The following CSMD1 variants were observed in gnomAD, a reference collection of about 807,000 sequenced individuals.
CSMD1 encodes the protein CUB and sushi domain-containing protein 1.
Under a neutral mutation model 417.5 loss-of-function variants are expected in CSMD1, and 213 were observed. That is an observed-to-expected ratio of 0.51 (90% CI 0.46 to 0.57). The LOEUF is 0.57. Among genes scored for constraint, CSMD1 ranks in the 20% least tolerant of loss-of-function variants. CSMD1 has a pLI of 0.00. For missense variants in CSMD1, 6,923 were observed against 4,529.7 expected (o/e 1.53, Z -15.17); for synonymous variants, 2,862 against 1,736.8 (o/e 1.65, Z -16.11).
intron 6 of CSMD1, among the ~76,000 whole-genome samples, chr8:3,719,051 T>C (rs1801996239): frequency 6.6e-6 from 1 of 152,170 alleles, no homozygotes; most frequent in Admixed American, 6.5e-5. Context: ...CGTATTGAGA[T>C]GTAGAAAACC....
At chr8:3,226,375 G>C (rs1420917882) in intron 27 of CSMD1, among the ~76,000 whole-genome samples, 4 of 152,218 alleles carry the variant, frequency 2.6e-5, no homozygotes, top group Admixed American at 6.5e-5. Flanking sequence ...CTGAGGGCAG[G>C]AGTTCGAGAC....
At chr8:4,206,253 G>A (rs758065422) in intron 3 of CSMD1, among the ~76,000 whole-genome samples, 8 of 152,056 alleles carry the variant, frequency 5.3e-5, no homozygotes, top group Non-Finnish European at 8.8e-5. Flanking sequence ...GGGCAGGTTT[G>A]TTACATATGT....
chr8:4,381,366 C>T (rs562862100), intron 3 of CSMD1, among the ~76,000 whole-genome samples: 1 of 152,212 alleles, frequency 6.6e-6, no homozygotes, highest in South Asian at 2.1e-4. Context: ...GACCCTATGA[C>T]CCTGTGGCTG....
At chr8:4,462,687 C>T (rs1799908545) in intron 2 of CSMD1, among the ~76,000 whole-genome samples, 1 of 152,158 alleles carries the variant, frequency 6.6e-6, no homozygotes, top group Non-Finnish European at 1.5e-5. Context: ...AAACCACTGA[C>T]ATTACCCGTC....
At chr8:4,424,389 G>C (rs1294137673) in intron 2 of CSMD1, among the ~76,000 whole-genome samples, 2 of 151,756 alleles carry the variant, frequency 1.3e-5, no homozygotes, top group Non-Finnish European at 2.9e-5. Context: ...AAGCAGAAAA[G>C]TCAGGTGACC....
At chr8:3,766,907 A>C (rs534882682) in intron 5 of CSMD1, among the ~76,000 whole-genome samples, 2 of 152,262 alleles carry the variant, frequency 1.3e-5, no homozygotes, top group East Asian at 1.9e-4. Flanking sequence ...GACCTTGTTC[A>C]GTCAGCTGGT....
chr8:4,764,381 A>G (rs1252553134), intron 1 of CSMD1, among the ~76,000 whole-genome samples: 1 of 152,242 alleles, frequency 6.6e-6, no homozygotes, highest in Non-Finnish European at 1.5e-5. Context: ...CATGAGATTA[A>G]TAATTTTCTG....
chr8:4,845,871 G>C (rs1193020812), intron 1 of CSMD1, among the ~76,000 whole-genome samples: 1 of 152,156 alleles, frequency 6.6e-6, no homozygotes, highest in Non-Finnish European at 1.5e-5. Flanking sequence ...TACCTAATGA[G>C]GATTTTGTCA....
At chr8:3,114,041 G>A (rs1816699921) in intron 42 of CSMD1, among the ~76,000 whole-genome samples, 1 of 151,542 alleles carries the variant, frequency 6.6e-6, no homozygotes, top group African/African-American at 2.4e-5. Flanking sequence ...AATACAGGGA[G>A]ATCCCATCTA....
intron 1 of CSMD1, among the ~76,000 whole-genome samples, chr8:4,791,954 T>TA (rs559998137): frequency 7.4e-4 from 112 of 151,886 alleles, no homozygotes; most frequent in Non-Finnish European, 1.3e-3. Flanking sequence ...CCTTTTTTTT[T>TA]AAATACAAGA....
intron 7 of CSMD1, among the ~76,000 whole-genome samples, chr8:3,671,052 T>TGGG (rs1799000419): frequency 1.5e-5 from 2 of 136,206 alleles, no homozygotes; most frequent in African/African-American, 5.1e-5. Context: ...TATATGTATA[T>TGGG]AGGATATATA....
chr8:3,333,104 G>C (rs892463355), intron 23 of CSMD1, among the ~76,000 whole-genome samples: 1 of 152,154 alleles, frequency 6.6e-6, no homozygotes, highest in African/African-American at 2.4e-5. Flanking sequence ...TGGCACCAAG[G>C]AGCTGGGAGT....
chr8:3,310,291 G>C (rs943158141), intron 23 of CSMD1, among the ~76,000 whole-genome samples: 2 of 152,168 alleles, frequency 1.3e-5, no homozygotes, highest in Non-Finnish European at 2.9e-5. Context: ...TGTTTTCGCA[G>C]AGAGGAAAAA....
chr8:3,274,491 T>C lies in CSMD1; in HGVS notation c.4153+9653A>G, dbSNP rs1271765998. On this transcript the variant is annotated intron_variant, in intron 26 of 69. Transcript: ENST00000635120. ...AAGTTCCTGGGTATGCTTGTTGACT[T>C]TCTGTCTTGTTGATCTGTCTAAAGT... Among the ~76,000 whole-genome samples, 7 of 152,262 alleles carry C rather than the reference T, an allele frequency of 4.6e-5. No individual in the cohort carries two copies. The East Asian group carries it at 1.2e-3, about 25-fold the overall frequency.
intron 1 of CSMD1, among the ~76,000 whole-genome samples, chr8:4,789,809 TC>T (rs1797596926): frequency 3.9e-5 from 6 of 152,214 alleles, no homozygotes; most frequent in Admixed American, 2.6e-4. Flanking sequence ...CCATTTTGGT[TC>T]TTGCTATTTT....
chr8:3,571,165 A>G (rs914008532), intron 10 of CSMD1, among the ~76,000 whole-genome samples: 1 of 152,160 alleles, frequency 6.6e-6, no homozygotes, highest in Non-Finnish European at 1.5e-5. Flanking sequence ...ACTATGAGAG[A>G]AAACCAACGC....
intron 25 of CSMD1, among the ~76,000 whole-genome samples, chr8:3,290,563 A>G (rs1245639493): frequency 3.4e-5 from 5 of 146,188 alleles, no homozygotes; most frequent in Middle Eastern, 3.5e-3. Context: ...TTGGATTGCT[A>G]GGTATTTTGT....
At chr8:4,917,069 T>G (rs960549146) in intron 1 of CSMD1, among the ~76,000 whole-genome samples, 2 of 152,256 alleles carry the variant, frequency 1.3e-5, no homozygotes, top group East Asian at 1.9e-4. Context: ...TCAGGTTCGG[T>G]AGACTATCTA....
At chr8:3,551,540 G>C (rs1470928938) in intron 10 of CSMD1, among the ~76,000 whole-genome samples, 3 of 148,036 alleles carry the variant, frequency 2.0e-5, no homozygotes, top group Non-Finnish European at 4.5e-5. Context: ...TTCTATATTG[G>C]TAAAGCTCTC....
Sources: gnomAD v4.1 joint callset for allele counts (sites outside exome capture counted in the v4.1 genomes callset) on GRCh38, gnomAD v4.1.1 for gene constraint, MANE v1.5 for transcripts, NCBI Gene and HGNC (gene_info 2026-07-23, HGNC 2026-07-21) for gene names.